Variants in CLMP observed in about 807,000 individuals in gnomAD.
The protein encoded by CLMP is CXADR like cell adhesion molecule.
CLMP carries 27 observed loss-of-function variants against 45.2 expected under a neutral mutation model. That is an observed-to-expected ratio of 0.60 (90% CI 0.44 to 0.82). The LOEUF is 0.82. CLMP is among the 40% of genes least tolerant of loss of function. CLMP has a pLI of 0.00. For synonymous variants in CLMP, 167 were observed against 171.4 expected (o/e 0.97, Z 0.20); for missense variants, 403 against 448.4 (o/e 0.90, Z 0.91).
rs1375419470 is a variant in CLMP, at chr11:123,118,189, G to T, written c.29-20237C>A. ...CTGTTGCCCAGGCTGGAGTGCAGTA[G>T]CACAATCTTGGCTCACTGCAACCTC... is the stretch of plus-strand genomic sequence containing the variant. On this transcript the variant is annotated intron_variant, in intron 1 of 6. Transcript: ENST00000448775. 2.0e-5 allele frequency among the ~76,000 whole-genome samples: 3 copies of T among 152,268 alleles called. No homozygotes were observed. In the East Asian group the frequency reaches 5.8e-4, roughly 29 times the overall value.
At position 123,111,393 on chromosome 11, in the gene CLMP, A is replaced by G. The variant is rs937569932; in HGVS notation, c.29-13441T>C. The stretch of plus-strand genomic sequence containing the variant: ...TGATCGGCCCACCGCAGCCTCCCAA[A>G]GTGCTGGGATTACAGGTGTGAGCCA... On this transcript the variant is annotated intron_variant, in intron 1 of 6. Coordinates refer to ENST00000448775, the MANE Select transcript of CLMP (RefSeq NM_024769.5). Among the ~76,000 whole-genome samples, 3 of 152,052 alleles carry G rather than the reference A, an allele frequency of 2.0e-5. No individual in the cohort carries two copies. The South Asian group carries it at 6.2e-4, about 32-fold the overall frequency.
At chr11:123,167,312 G>A (rs977603587) in intron 1 of CLMP, among the ~76,000 whole-genome samples, 11 of 152,098 alleles carry the variant, frequency 7.2e-5, no homozygotes, top group African/African-American at 2.7e-4. Context: ...TTGAGACGGA[G>A]TTTCACTCTG....
chr11:123,169,834 G>T, intron 1 of CLMP, among the ~76,000 whole-genome samples: 1 of 152,136 alleles, frequency 6.6e-6, no homozygotes, highest in East Asian at 1.9e-4. Flanking sequence ...GCCGGTGTTG[G>T]GGGGTTTGTG....
chr11:123,123,199 A>T (rs1244416294), intron 1 of CLMP, among the ~76,000 whole-genome samples: 1 of 147,508 alleles, frequency 6.8e-6, no homozygotes, highest in Non-Finnish European at 1.5e-5. Context: ...AGGCACGTGA[A>T]CTCTGCAGAA....
At chr11:123,113,392 G>T (rs1860669531) in intron 1 of CLMP, among the ~76,000 whole-genome samples, 2 of 152,202 alleles carry the variant, frequency 1.3e-5, no homozygotes, top group Admixed American at 1.3e-4. Flanking sequence ...TCAGTATTGT[G>T]TAAGAGTCAA....
chr11:123,095,018 T>C (rs1383298407), intron 2 of CLMP, among the ~76,000 whole-genome samples: 1 of 152,200 alleles, frequency 6.6e-6, no homozygotes, highest in Non-Finnish European at 1.5e-5. Flanking sequence ...TATTGTATCC[T>C]GGTACCTAGC....
At chr11:123,076,209 A>G (rs753577691) in intron 5 of CLMP, among the ~76,000 whole-genome samples, 14 of 152,210 alleles carry the variant, frequency 9.2e-5, no homozygotes, top group Non-Finnish European at 2.1e-4. Context: ...AAAATGGAAT[A>G]TAACCTATAA....
chr11:123,092,329 G>A (rs1365718272), intron 2 of CLMP, among the ~76,000 whole-genome samples: 1 of 150,304 alleles, frequency 6.7e-6, no homozygotes, highest in Admixed American at 6.6e-5. Context: ...ACGGAGCCTA[G>A]CTCTGTCGCC....
At chr11:123,104,895 C>T (rs546295542) in intron 1 of CLMP, among the ~76,000 whole-genome samples, 1 of 152,290 alleles carries the variant, frequency 6.6e-6, no homozygotes, top group East Asian at 1.9e-4. Flanking sequence ...TGAGATGTCA[C>T]GTCACAAAAC....
At chr11:123,140,384 G>A (rs981478708) in intron 1 of CLMP, among the ~76,000 whole-genome samples, 1 of 152,144 alleles carries the variant, frequency 6.6e-6, no homozygotes, top group Non-Finnish European at 1.5e-5. Flanking sequence ...GGAATAAAAG[G>A]TGAACAGGAA....
At chr11:123,169,232 C>T (rs1040707506) in intron 1 of CLMP, among the ~76,000 whole-genome samples, 1 of 152,164 alleles carries the variant, frequency 6.6e-6, no homozygotes, top group Non-Finnish European at 1.5e-5. Context: ...CCACAAGCCT[C>T]ATATATATTT....
intron 5 of CLMP, 50 bp downstream of exon 5, chr11:123,083,035 A>G: frequency 6.2e-7 from 1 of 1,607,284 alleles, no homozygotes; most frequent in South Asian, 1.1e-5. Context: ...ATTGATCTAC[A>G]ATGCAAAAAC....
chr11:123,081,058 C>G (rs563222309), intron 5 of CLMP, among the ~76,000 whole-genome samples: 1 of 151,878 alleles, frequency 6.6e-6, no homozygotes. Flanking sequence ...GAGGCTGAAG[C>G]GGGAGAATCG....
intron 1 of CLMP, among the ~76,000 whole-genome samples, chr11:123,189,455 C>G (rs1861877415): frequency 6.6e-6 from 1 of 152,156 alleles, no homozygotes; most frequent in Non-Finnish European, 1.5e-5. Flanking sequence ...TACTTACTCT[C>G]AAAGAGTGAT....
rs567462248 is a variant in CLMP, at chr11:123,149,954, G to A, written c.28+44959C>T. Among the ~76,000 whole-genome samples, 96 of 151,672 alleles carry A rather than the reference G, an allele frequency of 6.3e-4. 1 individual carries two copies. The highest frequency in any genetic ancestry group is 2.0e-3 in the African/African-American group (84 of 41,354). The stretch of plus-strand genomic sequence containing the variant: ...TGAGTAGCTGGGATTACAGGCGCTC[G>A]CCACCATGCCTGGCTAATTTTTGTA... On this transcript the variant is annotated intron_variant, in intron 1 of 6. Coordinates refer to ENST00000448775, the MANE Select transcript of CLMP (RefSeq NM_024769.5).
intron 1 of CLMP, among the ~76,000 whole-genome samples, chr11:123,106,395 G>A (rs1860551338): frequency 1.8e-5 from 2 of 113,236 alleles, no homozygotes; most frequent in Non-Finnish European, 1.9e-5. Context: ...GTGTGTGTGT[G>A]TGTGTGTGTG....
At chr11:123,144,874 C>G (rs1475489303) in intron 1 of CLMP, among the ~76,000 whole-genome samples, 1 of 152,152 alleles carries the variant, frequency 6.6e-6, no homozygotes, top group Non-Finnish European at 1.5e-5. Context: ...ATTTCACTGG[C>G]TGATTGTGTG....
intron 1 of CLMP, among the ~76,000 whole-genome samples, chr11:123,160,472 A>C (rs1315274845): frequency 6.6e-6 from 1 of 152,134 alleles, no homozygotes; most frequent in African/African-American, 2.4e-5. Context: ...GGACGCAGTT[A>C]ATTTCAAGGG....
intron 3 of CLMP, 127 bp downstream of exon 3, chr11:123,084,385 G>A: frequency 1.4e-6 from 1 of 712,078 alleles, no homozygotes; most frequent in Non-Finnish European, 2.4e-6. Flanking sequence ...AACTGGACGA[G>A]GTGACCTCTG....
Sources: allele counts gnomAD v4.1 joint callset (sites outside exome capture counted in the v4.1 genomes callset), GRCh38; gene constraint gnomAD v4.1.1; transcripts MANE v1.5; gene names NCBI Gene and HGNC (gene_info 2026-07-23, HGNC 2026-07-21).